Variants in HDAC7 observed in about 807,000 individuals in gnomAD.
HDAC7 encodes histone deacetylase 7A.
HDAC7 carries 26 observed loss-of-function variants against 115.5 expected under a neutral mutation model. The ratio of observed to expected loss-of-function variants is 0.23; its 90% CI spans 0.16 to 0.31. The LOEUF (loss-of-function observed/expected upper bound fraction) is 0.31, where lower values mean the gene tolerates loss of function less well. Among genes scored for constraint, HDAC7 ranks in the 10% least tolerant of loss-of-function variants. The probability of loss-of-function intolerance (pLI) is 1.00; values close to 1 mark genes in which losing one functional copy is unlikely to be tolerated. For missense variants in HDAC7, 1,068 were observed against 1,329.0 expected, an observed-to-expected ratio of 0.80 and a Z score of 3.05; for synonymous variants, 564 against 550.9, an observed-to-expected ratio of 1.02 and a Z score of -0.33.
chr12:47,813,668 C>A (rs1401711732), intron 1 of HDAC7, among the ~76,000 whole-genome samples: 1 of 147,068 alleles, frequency 6.8e-6, no homozygotes, highest in African/African-American at 2.4e-5. Flanking sequence ...TAGCCCAGGG[C>A]CTTCCTGACG....
chr12:47,789,229 C>T lies in HDAC7; in HGVS notation c.2235+32G>A, dbSNP rs371727124. On this transcript the variant is annotated intron_variant, in intron 19 of 25. Coordinates refer to ENST00000080059, the MANE Select transcript of HDAC7 (RefSeq NM_015401.5). ...CTCAGGGCTTTTCCCCCAGGGCTCT[C>T]GAATTGGAGGGTGCTACGGACAGGC... is the stretch of plus-strand genomic sequence containing the variant. The T allele has an allele frequency of 5.2e-6, 8 of 1,546,046 alleles. No homozygotes were observed. The African/African-American group carries it at 8.2e-5, about 16-fold the overall frequency.
chr12:47,816,183 C>T (rs1247417693), intron 1 of HDAC7, among the ~76,000 whole-genome samples: 2 of 152,084 alleles, frequency 1.3e-5, no homozygotes, highest in African/African-American at 2.4e-5. Context: ...TAAGTCACCG[C>T]GCCCGGCCCA....
chr12:47,789,729 C>T, intron 17 of HDAC7, 84 bp downstream of exon 17: 1 of 1,368,102 alleles, frequency 7.3e-7, no homozygotes, highest in Non-Finnish European at 1.0e-6. Flanking sequence ...GAATGCGATG[C>T]CTGGGGTTCT....
chr12:47,811,190 T>A (rs1944649883), intron 1 of HDAC7, among the ~76,000 whole-genome samples: 1 of 152,112 alleles, frequency 6.6e-6, no homozygotes, highest in African/African-American at 2.4e-5. Flanking sequence ...AGAATCCCCC[T>A]CCTTTTGCCT....
chr12:47,799,066 T>G (rs760870990), intron 2 of HDAC7, 94 bp from the exon 3 acceptor site: 4 of 847,220 alleles, frequency 4.7e-6, no homozygotes, highest in African/African-American at 3.5e-5. Flanking sequence ...TCAGGCTCAC[T>G]TGACAATGGC....
In HDAC7 at chr12:47,796,295, G is replaced by A. The variant is rs777218631; in HGVS notation, c.707C>T (p.Ser236Phe). ...GGGCGTGCTGCTACTACTTGGGGAG[G>A]AGTCTGAGGGTTGGGGAGAGAGGGA... ...RRRPAETLGD[S>F]SPSSSSTPAS... Residue 236 changes from serine to phenylalanine, a missense_variant, in exon 8 of 26, where the codon TCC becomes TTC. Around this residue, in one of 6 missense-constraint regions of HDAC7, gnomAD observed 618 missense variants for 701.5 expected, o/e 0.88. Coordinates refer to ENST00000080059, the MANE Select transcript of HDAC7 (RefSeq NM_015401.5). 1 of 1,596,314 alleles carries A rather than the reference G, an allele frequency of 6.3e-7. No individual in the cohort carries two copies. The highest frequency in any genetic ancestry group is 8.5e-7 in the Non-Finnish European group (1 of 1,174,202).
chr12:47,821,344 T>C (rs190831134), upstream of HDAC7, among the ~76,000 whole-genome samples: 2 of 152,286 alleles, frequency 1.3e-5, no homozygotes, highest in African/African-American at 2.4e-5. Flanking sequence ...AGCGTGGGAC[T>C]TCTTACTTCA....
In HDAC7 at chr12:47,791,641, G is replaced by A; in HGVS notation, c.1878C>T (p.Leu626=). The A allele has an allele frequency of 6.2e-7, 1 of 1,612,926 alleles. No homozygotes were observed. Among genetic ancestry groups the A allele is most frequent in the Non-Finnish European group, 8.5e-7 (1 of 1,179,676 alleles). The change falls in exon 15 of 26, where the codon CTC becomes CTT. Residue 626 remains leucine (L), a synonymous_variant. Transcript: ENST00000080059. ...LQSVHSERHV[L]LYGTNPLSRL... ...GGCTGAGCGGGTTGGTGCCGTAGAGGAGCACGTGCCGCTCAGAGTGGACCG... is the reference window on the plus strand; with the variant it reads ...GGCTGAGCGGGTTGGTGCCGTAGAGAAGCACGTGCCGCTCAGAGTGGACCG...
Position 47,785,442 on chromosome 12 carries a change from TTTCCAGCCTTCTTCTGAAAGGGGA to T in HDAC7, c.2712_2735del (p.Asp904_Lys912delinsGlu). The T allele has an allele frequency of 6.2e-7, 1 of 1,613,110 alleles. No individual in the cohort carries two copies. The highest frequency in any genetic ancestry group is 8.5e-7 in the Non-Finnish European group (1 of 1,179,622). Reference sequence around the variant, plus strand: ...GGATGGCATTGAGGTTGGGTTTCTGTTTCCAGCCTTCTTCTGAAAGGGGATCCACCTATAGAAAACAGTACATCA... The same window carrying T: ...GGATGGCATTGAGGTTGGGTTTCTGTTCCACCTATAGAAAACAGTACATCA... On this transcript the variant is annotated inframe_deletion, in exon 24 of 26. Coordinates refer to ENST00000080059, the MANE Select transcript of HDAC7 (RefSeq NM_015401.5).
Position 47,797,368 on chromosome 12 carries a change from T to C in HDAC7, c.577+16A>G, listed in dbSNP as rs1232726490. On this transcript the variant is annotated intron_variant, in intron 6 of 25. Coordinates refer to ENST00000080059, the MANE Select transcript of HDAC7 (RefSeq NM_015401.5). The surrounding 1 kb of genome is among the most constrained non-coding windows in gnomAD (Gnocchi z 5.5). ...CCTTCCTTTGCCTGAAAGGTCCGCC[T>C]GTTTGTTCAGCTCACCTGTCTTGCG... 6.3e-7 allele frequency: 1 copy of C among 1,586,174 alleles called. No individual in the cohort carries two copies. The highest frequency in any genetic ancestry group is 1.7e-5 in the Admixed American group (1 of 59,070).
At chr12:47,785,364 G>A (rs376799084) in intron 24 of HDAC7, 23 bp downstream of exon 24, 16 of 1,579,486 alleles carry the variant, frequency 1.0e-5, no homozygotes, top group African/African-American at 2.7e-5. Flanking sequence ...TGAGCTCAGC[G>A]AGTGTCCCAT....
rs1191600614 is a variant in HDAC7, at chr12:47,789,279, C to T, written c.2217G>A (p.Lys739=). Residue 739 remains lysine (K), a synonymous_variant, in exon 19 of 26, where the codon AAG becomes AAA. Transcript: ENST00000080059. ...CACCTACCCAGTCTACAATGAGGAT[C>T]TTGCTGGCCTTGCTCTGCTGTTGCA... The part of the protein sequence containing the change: ...RQLQQQSKAS[K]ILIVDWDVHH... 2 of 1,614,018 alleles carry T rather than the reference C, an allele frequency of 1.2e-6. No homozygotes were observed. Among genetic ancestry groups the T allele is most frequent in the Non-Finnish European group, 8.5e-7 (1 of 1,179,900 alleles).
At position 47,816,517 on chromosome 12, in the gene HDAC7, A is replaced by G. The variant is rs899673048; in HGVS notation, c.19+3250T>C. On this transcript the variant is annotated intron_variant, in intron 1 of 25. Transcript: ENST00000080059. ...CCGGAACCACCACATCAGCATACAC[A>G]GGGTCTGGGGGGAGGGGTACACACA... Among the ~76,000 whole-genome samples the G allele has an allele frequency of 3.9e-5, 6 of 152,280 alleles. No individual in the cohort carries two copies. In the East Asian group the frequency reaches 7.7e-4, roughly 20 times the overall value.
In HDAC7 at chr12:47,785,884, A is replaced by G. The variant is rs762980025; in HGVS notation, c.2574T>C (p.Cys858=). The part of the protein sequence containing the change: ...PLGGYHVSAK[C]FGYMTQQLMN... ...TCAGTTGCTGCGTCATGTATCCAAA[A>G]CCTAGAGGTTGGGAGGGGAGAAATG... Residue 858 remains cysteine (C), a splice_region_variant and synonymous_variant, in exon 23 of 26, where the codon TGT becomes TGC. Coordinates refer to ENST00000080059, the MANE Select transcript of HDAC7 (RefSeq NM_015401.5). 5 of 1,593,032 alleles carry G rather than the reference A, an allele frequency of 3.1e-6. No homozygotes were observed. The highest frequency in any genetic ancestry group is 4.3e-6 in the Non-Finnish European group (5 of 1,166,418).
At chr12:47,799,256 A>G (rs906549396) in intron 2 of HDAC7, 7 of 356,930 alleles carry the variant, frequency 2.0e-5, no homozygotes, top group African/African-American at 1.1e-4. Flanking sequence ...TCCACTAAAC[A>G]TGCTCCTCCC....
rs1257636820 is a variant in HDAC7, at chr12:47,795,886, T to C, written c.906+20A>G. On this transcript the variant is annotated intron_variant, in intron 9 of 25. Coordinates refer to ENST00000080059, the MANE Select transcript of HDAC7 (RefSeq NM_015401.5). This position sits in a 1 kb window ranked among gnomAD's most constrained non-coding sequence, Gnocchi z 4.3. ...AAGCTGGGGGGGCTTGGAGTGGGGG[T>C]GGGCACCCCAGCCACTCACCCTGGC... 5 of 1,012,066 alleles carry C rather than the reference T, an allele frequency of 4.9e-6. No homozygotes were observed. The highest frequency in any genetic ancestry group is 6.9e-6 in the Non-Finnish European group (5 of 726,274). The allele number at this position is 1,012,066 out of a possible 1,614,324, so 62.7% of individuals were successfully genotyped here.
rs761591813 is a variant in HDAC7 at position 47,789,904 on chromosome 12, A to G, written c.2000T>C (p.Ile667Thr). 3.7e-6 allele frequency: 6 copies of G among 1,613,028 alleles called. No homozygotes were observed. The highest frequency in any genetic ancestry group is 5.1e-6 in the Non-Finnish European group (6 of 1,179,532). ...CGGVGVDTDT[I>T]WNELHSSNAA... ...ATTGGAGGAATGAAGCTCATTCCAG[A>G]TGGTGTCAGTGTCCACCTGCGGGAG... The change falls in exon 17 of 26, where the codon ATC (isoleucine) becomes ACC (threonine). Residue 667 changes from isoleucine (I) to threonine (T), a missense_variant. Ile to Thr is a moderately conservative substitution (Grantham distance 89). This residue lies in a region of HDAC7 where 182 missense variants were observed against 301.1 expected (regional missense o/e 0.60). Coordinates refer to ENST00000080059, the MANE Select transcript of HDAC7 (RefSeq NM_015401.5).
At chr12:47,794,615 C>A in intron 12 of HDAC7, 145 bp downstream of exon 12, 1 of 737,362 alleles carries the variant, frequency 1.4e-6, no homozygotes, top group South Asian at 2.2e-5. Flanking sequence ...TAGTGTGGAT[C>A]CAGCACCCAG....
Position 47,819,802 on chromosome 12 carries a change from T to C in HDAC7, c.-17A>G. 3.2e-6 allele frequency: 1 copy of C among 309,384 alleles called. No homozygotes were observed. Among genetic ancestry groups the C allele is most frequent in the Non-Finnish European group, 4.5e-6 (1 of 221,902 alleles). 19.2% of individuals were successfully genotyped at this position (309,384 alleles called of 1,614,324 possible). On this transcript the variant is annotated 5_prime_UTR_variant, in exon 1 of 26. It removes the in-frame stop codon of an upstream open reading frame in the 5' UTR. Coordinates refer to ENST00000080059, the MANE Select transcript of HDAC7 (RefSeq NM_015401.5). Reference sequence around the variant, plus strand: ...GCTGTGCATCCAGGGGCCGGGGCCCTCAGAGCGGGGGGCTCATGGCGGGGC... The same window carrying C: ...GCTGTGCATCCAGGGGCCGGGGCCCCCAGAGCGGGGGGCTCATGGCGGGGC...
Sources: gnomAD v4.1 joint callset for allele counts (sites outside exome capture counted in the v4.1 genomes callset) on GRCh38, gnomAD v4.1.1 for gene constraint, gnomAD v4.1.1 regional missense constraint, Gnocchi (gnomAD v3.1) non-coding constraint, MANE v1.5 for transcripts, NCBI Gene and HGNC (gene_info 2026-07-23, HGNC 2026-07-21) for gene names.